DDO: variants seen among roughly 807,000 people sequenced by gnomAD.
The protein encoded by DDO is D-aspartate oxidase, DDO.
DDO carries 16 observed loss-of-function variants against 16.8 expected under a neutral mutation model. The observed-to-expected ratio is 0.95, with a 90% CI of 0.65 to 1.45. The LOEUF is 1.45. DDO is among the 40% of genes most tolerant of loss of function. DDO has a pLI of 0.00. For missense variants in DDO, 429 were observed against 420.3 expected (o/e 1.02, Z -0.18); for synonymous variants, 180 against 167.2 (o/e 1.08, Z -0.59).
chr6:110,397,879 T>C lies in DDO; in HGVS notation c.459-4537A>G, dbSNP rs143553432. On this transcript the variant is annotated intron_variant, in intron 4 of 4. Coordinates refer to ENST00000368924, the MANE Select transcript of DDO (RefSeq NM_001372108.2). Reference sequence around the variant, plus strand: ...CAGTCATTATTATGTATCCCATGGGTAATGCATAAGATGGCACCAGTGCAT... The same window carrying C: ...CAGTCATTATTATGTATCCCATGGGCAATGCATAAGATGGCACCAGTGCAT... 1.4e-4 allele frequency among the ~76,000 whole-genome samples: 22 copies of C among 152,302 alleles called. 1 individual carries two copies. In the East Asian group the frequency reaches 4.2e-3, roughly 29 times the overall value.
intron 4 of DDO, among the ~76,000 whole-genome samples, chr6:110,400,346 G>A (rs1562261034): frequency 6.7e-6 from 1 of 150,144 alleles, no homozygotes; most frequent in East Asian, 2.0e-4. Flanking sequence ...AGCGGGCCGG[G>A]GCGGGGACTG....
At chr6:110,409,887 AT>A (rs1374651199) in intron 2 of DDO, among the ~76,000 whole-genome samples, 3 of 152,238 alleles carry the variant, frequency 2.0e-5, no homozygotes, top group Admixed American at 6.5e-5. Flanking sequence ...AGAACAGACA[AT>A]TCCCATCCAG....
intron 1 of DDO, 81 bp downstream of exon 1, chr6:110,415,386 C>A: frequency 6.3e-7 from 1 of 1,578,472 alleles, no homozygotes; most frequent in East Asian, 2.2e-5. Context: ...ATCACTGTCC[C>A]CTGACCCTAT....
chr6:110,388,865 C>G (rs563463832), downstream of DDO: 1 of 943,320 alleles, frequency 1.1e-6, no homozygotes, highest in Admixed American at 6.2e-5. Context: ...AAAAATAAAG[C>G]AGTCTATTCT....
At chr6:110,413,134 C>A (rs991175150) in intron 2 of DDO, among the ~76,000 whole-genome samples, 157 bp downstream of exon 2, 6 of 151,900 alleles carry the variant, frequency 3.9e-5, no homozygotes, top group Non-Finnish European at 7.4e-5. Context: ...CAGAGTGAGA[C>A]CCTGTCTCAA....
downstream of DDO, among the ~76,000 whole-genome samples, chr6:110,391,435 C>T (rs1301098586): frequency 3.3e-5 from 5 of 149,972 alleles, no homozygotes; most frequent in South Asian, 4.2e-4. Context: ...CTGCAACCTC[C>T]GTCTCCCGGG....
Position 110,414,964 on chromosome 6 carries a change from G to T in DDO, c.-5+503C>A, listed in dbSNP as rs557156491. ...GGCCTCTGCTTTCTCTTCCAGTTCT[G>T]AAGATTCTCGCACTATGAGACTTTA... On this transcript the variant is annotated intron_variant, in intron 1 of 4. Transcript: ENST00000368924. Among the ~76,000 whole-genome samples the T allele has an allele frequency of 4.9e-4, 74 of 152,340 alleles. 1 individual carries two copies. Among genetic ancestry groups the T allele is most frequent in the Admixed American group, 2.6e-4 (4 of 15,312 alleles).
At chr6:110,395,721 T>C (rs956700888) in intron 4 of DDO, among the ~76,000 whole-genome samples, 1 of 152,194 alleles carries the variant, frequency 6.6e-6, no homozygotes, top group African/African-American at 2.4e-5. Flanking sequence ...TGGTGGTCAA[T>C]GATGGCATGG....
intron 3 of DDO, 101 bp from the exon 4 acceptor site, chr6:110,405,051 T>G (rs968964622): frequency 5.8e-6 from 7 of 1,208,254 alleles, no homozygotes; most frequent in Non-Finnish European, 8.1e-6. Flanking sequence ...TTTATTTTAT[T>G]TTTGAGACAG....
In DDO at chr6:110,415,451, G is replaced by A; in HGVS notation, c.-5+16C>T. On this transcript the variant is annotated intron_variant, in intron 1 of 4. Transcript: ENST00000368924. ...GGACGGAACGACCCCTCAGCTGAAA[G>A]CAAGAATTCAAGTACCTGTCTCTGA... 1 of 1,614,066 alleles carries A rather than the reference G, an allele frequency of 6.2e-7. No homozygotes were observed. Among genetic ancestry groups the A allele is most frequent in the Non-Finnish European group, 8.5e-7 (1 of 1,179,948 alleles).
chr6:110,412,546 T>C (rs1773894230), intron 2 of DDO, among the ~76,000 whole-genome samples: 1 of 152,196 alleles, frequency 6.6e-6, no homozygotes, highest in Non-Finnish European at 1.5e-5. Context: ...ACATGTGGCC[T>C]GCTCTGCCAA....
chr6:110,409,386 C>T (rs1732917954), intron 2 of DDO, among the ~76,000 whole-genome samples: 1 of 152,146 alleles, frequency 6.6e-6, no homozygotes, highest in Admixed American at 6.5e-5. Context: ...CAATAAGCCT[C>T]AGGGGCTGCT....
intron 4 of DDO, among the ~76,000 whole-genome samples, chr6:110,399,436 A>G (rs1205654669): frequency 1.3e-5 from 2 of 152,186 alleles, no homozygotes; most frequent in East Asian, 3.8e-4. Context: ...GTGAGGAGCA[A>G]ACAGAGATTG....
chr6:110,401,079 G>A (rs1348352345), intron 4 of DDO, among the ~76,000 whole-genome samples: 1 of 152,242 alleles, frequency 6.6e-6, no homozygotes, highest in Non-Finnish European at 1.5e-5. Context: ...AAGGACAACT[G>A]TCTTCAGGGA....
chr6:110,412,263 A>AAAAT (rs1273052017), intron 2 of DDO, among the ~76,000 whole-genome samples: 1 of 151,840 alleles, frequency 6.6e-6, no homozygotes, highest in Admixed American at 6.6e-5. Context: ...TAAAAAAAAA[A>AAAAT]AAAAATCCAT....
At chr6:110,394,895 C>T (rs755582871) in intron 4 of DDO, among the ~76,000 whole-genome samples, 2 of 152,290 alleles carry the variant, frequency 1.3e-5, no homozygotes, top group Middle Eastern at 3.4e-3. Flanking sequence ...TCTTAGAGGA[C>T]CGATATCAAT....
chr6:110,395,470 A>G (rs1300275038), intron 4 of DDO, among the ~76,000 whole-genome samples: 2 of 151,598 alleles, frequency 1.3e-5, no homozygotes, highest in Non-Finnish European at 2.9e-5. Flanking sequence ...TTTTGTCTGG[A>G]GAGAGATACA....
At chr6:110,391,461 G>A (rs1031939611), downstream of DDO, among the ~76,000 whole-genome samples, 8 of 148,638 alleles carry the variant, frequency 5.4e-5, no homozygotes, top group African/African-American at 1.8e-4. Flanking sequence ...GTAGCTTCCC[G>A]AGTAGCTGAG....
At chr6:110,398,844 G>A (rs922113683) in intron 4 of DDO, among the ~76,000 whole-genome samples, 2 of 152,168 alleles carry the variant, frequency 1.3e-5, no homozygotes, top group Middle Eastern at 3.2e-3. Context: ...CCAGTGCTGC[G>A]GTCAGCATAG....
Sources: gnomAD v4.1 joint callset for allele counts (sites outside exome capture counted in the v4.1 genomes callset) on GRCh38, gnomAD v4.1.1 for gene constraint, MANE v1.5 for transcripts, NCBI Gene and HGNC (gene_info 2026-07-23, HGNC 2026-07-21) for gene names.